Variants in CEP83 observed in about 807,000 individuals in gnomAD.
The protein encoded by CEP83 is centrosomal protein 83.
CEP83 carries 70 observed loss-of-function variants against 101.9 expected under a neutral mutation model. The observed-to-expected ratio is 0.69, with a 90% CI of 0.57 to 0.84. The LOEUF (loss-of-function observed/expected upper bound fraction) is 0.84, where lower values mean the gene tolerates loss of function less well. Ranked by LOEUF, CEP83 falls within the 40% of genes least tolerant of loss-of-function variation. The probability of loss-of-function intolerance (pLI) is 0.00; values close to 1 mark genes in which losing one functional copy is unlikely to be tolerated. For synonymous variants in CEP83, 264 were observed against 267.9 expected (o/e 0.99, Z 0.14); for missense variants, 715 against 787.2 (o/e 0.91, Z 1.10).
At chr12:94,323,217 G>A (rs56750276) in intron 14 of CEP83, among the ~76,000 whole-genome samples, 2,882 of 152,156 alleles carry the variant, frequency 0.019, 40 homozygotes, top group East Asian at 0.071. Flanking sequence ...GGGGTCTAAC[G>A]TCCTGCTTGG....
At chr12:94,379,574 T>C (rs549857297) in intron 6 of CEP83, among the ~76,000 whole-genome samples, 1 of 152,316 alleles carries the variant, frequency 6.6e-6, no homozygotes, top group Non-Finnish European at 1.5e-5. Flanking sequence ...ATTGTAATGA[T>C]GGCCTAGTTC....
intron 11 of CEP83, among the ~76,000 whole-genome samples, chr12:94,359,779 C>T (rs534197137): frequency 5.3e-5 from 8 of 152,008 alleles, no homozygotes; most frequent in African/African-American, 1.4e-4. Flanking sequence ...CCAAACTCTA[C>T]GAGGCCAGCA....
the CEP83 span, among the ~76,000 whole-genome samples, chr12:94,269,026 A>G: frequency 4.6e-5 from 7 of 152,190 alleles, no homozygotes; most frequent in Admixed American, 2.6e-4. Context: ...TGGAGGAGTT[A>G]GTGAAAGTTT....
chr12:94,445,254 G>T (rs1236767328), intron 1 of CEP83, among the ~76,000 whole-genome samples: 2 of 145,818 alleles, frequency 1.4e-5, no homozygotes, highest in African/African-American at 5.1e-5. Flanking sequence ...AATGGTCCTG[G>T]AACAATTGCC....
At chr12:94,309,778 G>T (rs1969556537) in intron 16 of CEP83, 140 bp downstream of exon 16, 6 of 496,504 alleles carry the variant, frequency 1.2e-5, no homozygotes, top group Non-Finnish European at 1.8e-5. Flanking sequence ...GTTAAAAGTA[G>T]TTTTAAATGT....
At chr12:94,418,946 A>T (rs987314120) in intron 2 of CEP83, among the ~76,000 whole-genome samples, 1 of 152,132 alleles carries the variant, frequency 6.6e-6, no homozygotes, top group African/African-American at 2.4e-5. Flanking sequence ...ATCTTAAAAC[A>T]TCTTTTTCTG....
chr12:94,287,606 A>G, the CEP83 span, among the ~76,000 whole-genome samples: 1,138 of 152,294 alleles, frequency 7.5e-3, 8 homozygotes, highest in Non-Finnish European at 0.011. Context: ...ATGTTGTTTA[A>G]CCGCTTTCAT....
rs2061615226 is a variant in CEP83 at position 94,377,544 on chromosome 12, G to A, written c.801+1247C>T. ...GAAAAAAACTATTTTCTTCATATAT[G>A]AAATAATACTCTCTGGGCACAATGA... On this transcript the variant is annotated intron_variant, in intron 7 of 16. Coordinates refer to ENST00000397809, the MANE Select transcript of CEP83 (RefSeq NM_016122.3). Among the ~76,000 whole-genome samples, 3 of 152,224 alleles carry A rather than the reference G, an allele frequency of 2.0e-5. No homozygotes were observed. The South Asian group carries it at 6.2e-4, about 32-fold the overall frequency.
At chr12:94,303,693 C>CTTT (rs373777720), downstream of CEP83, 52 of 700,118 alleles carry the variant, frequency 7.4e-5, no homozygotes, top group East Asian at 4.0e-4. Flanking sequence ...ATTCCTCCAT[C>CTTT]TTTTTTTTTT....
chr12:94,265,965 C>T, the CEP83 span, among the ~76,000 whole-genome samples: 1 of 152,152 alleles, frequency 6.6e-6, no homozygotes, highest in African/African-American at 2.4e-5. Flanking sequence ...ATTTTCTATG[C>T]TTTTCTGTTA....
At chr12:94,314,960 T>C (rs1970435827) in intron 14 of CEP83, among the ~76,000 whole-genome samples, 2 of 152,222 alleles carry the variant, frequency 1.3e-5, no homozygotes, top group Non-Finnish European at 2.9e-5. Flanking sequence ...ATTGCAATGT[T>C]GTCATTCATT....
At chr12:94,428,447 A>G (rs1254901082) in intron 2 of CEP83, among the ~76,000 whole-genome samples, 2 of 152,236 alleles carry the variant, frequency 1.3e-5, no homozygotes, top group African/African-American at 4.8e-5. Flanking sequence ...CTGATGCAAC[A>G]GCATATCCTG....
At chr12:94,284,537 T>C in the CEP83 span, among the ~76,000 whole-genome samples, 756 of 152,292 alleles carry the variant, frequency 5.0e-3, 4 homozygotes, top group Non-Finnish European at 8.7e-3. Context: ...TCTTTCACTG[T>C]TATAGTTTTG....
chr12:94,357,844 C>A (rs2136887366), intron 11 of CEP83, among the ~76,000 whole-genome samples: 1 of 152,194 alleles, frequency 6.6e-6, no homozygotes, highest in Non-Finnish European at 1.5e-5. Context: ...GAAAGCAGAG[C>A]CAGGAAAGCA....
At chr12:94,404,003 T>C (rs2063402101) in intron 4 of CEP83, among the ~76,000 whole-genome samples, 1 of 152,128 alleles carries the variant, frequency 6.6e-6, no homozygotes, top group African/African-American at 2.4e-5. Context: ...TTTTACTGAA[T>C]GGAGAGCTTA....
intron 6 of CEP83, among the ~76,000 whole-genome samples, chr12:94,380,080 A>G (rs1396835339): frequency 6.6e-6 from 1 of 150,396 alleles, no homozygotes; most frequent in South Asian, 2.1e-4. Context: ...GCAAAAAAAA[A>G]AAAAAAAAAA....
At chr12:94,331,389 C>CA (rs2059212480) in intron 14 of CEP83, among the ~76,000 whole-genome samples, 1 of 72,476 alleles carries the variant, frequency 1.4e-5, no homozygotes, top group African/African-American at 5.3e-5. Context: ...TTTTTTGCGA[C>CA]AGAGTCTTGC....
chr12:94,313,527 T>TA (rs58864740), intron 14 of CEP83, among the ~76,000 whole-genome samples: 12,956 of 95,552 alleles, frequency 0.14, 880 homozygotes, highest in Non-Finnish European at 0.15. Context: ...AAGAACCCAT[T>TA]AAAAAAAAAA....
intron 6 of CEP83, among the ~76,000 whole-genome samples, chr12:94,388,038 C>A (rs1305435182): frequency 6.6e-6 from 1 of 152,152 alleles, no homozygotes. Flanking sequence ...TCTCAAATAA[C>A]TAAAAATAGA....
Sources: gnomAD v4.1 joint callset for allele counts (sites outside exome capture counted in the v4.1 genomes callset) on GRCh38, gnomAD v4.1.1 for gene constraint, MANE v1.5 for transcripts, NCBI Gene and HGNC (gene_info 2026-07-23, HGNC 2026-07-21) for gene names.